The following SEMA5A variants were observed in gnomAD, a reference collection of about 807,000 sequenced individuals.
SEMA5A encodes the protein semaphorin-5A.
In SEMA5A, 55 loss-of-function variants were observed where a neutral mutation model predicts 135.5. That is an observed-to-expected ratio of 0.41 (90% CI 0.33 to 0.51). SEMA5A has a LOEUF of 0.51. Ranked by LOEUF, SEMA5A falls within the 20% of genes least tolerant of loss-of-function variation. The pLI is 0.37. For synonymous variants in SEMA5A, 580 were observed against 546.5 expected (o/e 1.06, Z -0.85); for missense variants, 1,290 against 1,419.9 (o/e 0.91, Z 1.47).
chr5:9,067,818 CG>C (rs1474426368), intron 16 of SEMA5A, among the ~76,000 whole-genome samples: 9 of 152,088 alleles, frequency 5.9e-5, no homozygotes, highest in African/African-American at 2.2e-4. Context: ...TCCATTTTCA[CG>C]TTTCTCATCT....
chr5:9,391,910 C>T (rs1047060600), intron 2 of SEMA5A, among the ~76,000 whole-genome samples: 2 of 152,130 alleles, frequency 1.3e-5, no homozygotes, highest in Non-Finnish European at 2.9e-5. Context: ...CCTCCATGGC[C>T]ACCTCCCTAT....
chr5:9,278,139 C>A (rs1413057278), intron 5 of SEMA5A, among the ~76,000 whole-genome samples: 2 of 151,238 alleles, frequency 1.3e-5, no homozygotes, highest in Admixed American at 1.3e-4. Context: ...GAAGTCCCAG[C>A]TGATGAGGTC....
At chr5:9,236,460 C>T (rs1747915164) in intron 6 of SEMA5A, among the ~76,000 whole-genome samples, 1 of 152,168 alleles carries the variant, frequency 6.6e-6, no homozygotes, top group Non-Finnish European at 1.5e-5. Context: ...CACATTGAGA[C>T]TCAAACACCA....
At chr5:9,465,500 G>A (rs1173440052) in intron 1 of SEMA5A, among the ~76,000 whole-genome samples, 1 of 152,192 alleles carries the variant, frequency 6.6e-6, no homozygotes, top group East Asian at 1.9e-4. Context: ...AAGTAATTGG[G>A]ATAAAGAAAT....
chr5:9,096,231 G>A (rs562891278), intron 16 of SEMA5A, among the ~76,000 whole-genome samples: 2 of 152,100 alleles, frequency 1.3e-5, no homozygotes, highest in African/African-American at 4.8e-5. Flanking sequence ...GCAAATTTCT[G>A]AATACAACAC....
At chr5:9,307,446 G>A (rs926980780) in intron 5 of SEMA5A, among the ~76,000 whole-genome samples, 3 of 150,712 alleles carry the variant, frequency 2.0e-5, no homozygotes, top group African/African-American at 7.3e-5. Flanking sequence ...CAAATTAAGG[G>A]TTCCAATCCA....
At chr5:9,221,550 C>T (rs1746991375) in intron 8 of SEMA5A, among the ~76,000 whole-genome samples, 2 of 152,136 alleles carry the variant, frequency 1.3e-5, no homozygotes, top group South Asian at 4.1e-4. Flanking sequence ...GATCCGCCCG[C>T]CTCGGCCTCC....
chr5:9,127,862 A>G (rs1560942730), intron 13 of SEMA5A, among the ~76,000 whole-genome samples: 1 of 152,174 alleles, frequency 6.6e-6, no homozygotes, highest in Non-Finnish European at 1.5e-5. Context: ...AGGAAATCCT[A>G]AACTCATAAT....
chr5:9,380,034 C>A lies in SEMA5A; in HGVS notation c.-77-11G>T. ...ATGTGTGGAAAGTGCCTAAAACACA[C>A]AAAAGAGAAGAATCAGATGACTGTG... is the stretch of plus-strand genomic sequence containing the variant. On this transcript the variant is annotated splice_polypyrimidine_tract_variant and intron_variant, in intron 2 of 22. Coordinates refer to ENST00000382496, the MANE Select transcript of SEMA5A (RefSeq NM_003966.3). 4 of 1,474,916 alleles carry A rather than the reference C, an allele frequency of 2.7e-6. No individual in the cohort carries two copies. Among genetic ancestry groups the A allele is most frequent in the Admixed American group, 2.3e-5 (1 of 43,178 alleles). 91.4% of individuals were successfully genotyped at this position (1,474,916 alleles called of 1,614,324 possible). A position where few individuals can be genotyped will look rare whatever the true frequency, so the allele number is the denominator to read the frequency against.
At chr5:9,345,143 AC>A (rs779164792) in intron 3 of SEMA5A, among the ~76,000 whole-genome samples, 8 of 152,150 alleles carry the variant, frequency 5.3e-5, no homozygotes, top group Admixed American at 6.5e-5. Flanking sequence ...AGGTAAACCC[AC>A]CCCTGTTTCA....
intron 18 of SEMA5A, among the ~76,000 whole-genome samples, chr5:9,061,254 A>T (rs1737166171): frequency 6.6e-6 from 1 of 152,172 alleles, no homozygotes; most frequent in South Asian, 2.1e-4. Context: ...TAAACAGTGC[A>T]CAGTCGGTTA....
intron 5 of SEMA5A, among the ~76,000 whole-genome samples, chr5:9,253,852 A>G (rs1199148533): frequency 2.0e-5 from 3 of 152,226 alleles, no homozygotes; most frequent in Admixed American, 1.3e-4. Context: ...AAGAAACTCA[A>G]CATTAGGAAG....
chr5:9,048,401 A>T (rs1230646155), intron 21 of SEMA5A, among the ~76,000 whole-genome samples: 1 of 152,184 alleles, frequency 6.6e-6, no homozygotes, highest in African/African-American at 2.4e-5. Context: ...ATAATTCCCA[A>T]GTGCAAAATC....
At chr5:9,088,951 A>G (rs1156600518) in intron 16 of SEMA5A, among the ~76,000 whole-genome samples, 2 of 152,128 alleles carry the variant, frequency 1.3e-5, no homozygotes, top group Non-Finnish European at 2.9e-5. Context: ...CTGTGGGTTC[A>G]GGCCTCCATG....
intron 8 of SEMA5A, 23 bp from the exon 9 acceptor site, chr5:9,202,263 A>G (rs751914448): frequency 4.6e-5 from 73 of 1,604,258 alleles, no homozygotes; most frequent in Non-Finnish European, 6.0e-5. Flanking sequence ...GAAAAGAGGG[A>G]AAAAATCTCA....
Position 9,308,965 on chromosome 5 carries a change from A to G in SEMA5A, c.270+9407T>C, listed in dbSNP as rs190662575. On this transcript the variant is annotated intron_variant, in intron 5 of 22. Transcript: ENST00000382496. ...ATTTCATGACAAATTAGGTCATTAA[A>G]GTTACATCAAATAAGCATAATGCCA... Among the ~76,000 whole-genome samples the G allele has an allele frequency of 8.5e-4, 130 of 152,326 alleles. No homozygotes were observed. The Middle Eastern group carries it at 0.01, about 12-fold the overall frequency.
At chr5:9,118,824 G>C (rs1372196589) in intron 15 of SEMA5A, among the ~76,000 whole-genome samples, 174 bp downstream of exon 15, 1 of 152,148 alleles carries the variant, frequency 6.6e-6, no homozygotes, top group Non-Finnish European at 1.5e-5. Context: ...CTGTCGACGA[G>C]GCTTTGATCA....
rs1363419153 is a variant in SEMA5A at position 9,227,746 on chromosome 5, T to G, written c.334-779A>C. 1.2e-4 allele frequency among the ~76,000 whole-genome samples: 18 copies of G among 151,864 alleles called. 1 individual carries two copies. The highest frequency in any genetic ancestry group is 1.2e-3 in the Admixed American group (18 of 15,242). ...TTTGTATTTTTAGTAGAGACAGGGTTTCACCATGTTAGTCAGGATGGTCTT... is the reference window on the plus strand; with the variant it reads ...TTTGTATTTTTAGTAGAGACAGGGTGTCACCATGTTAGTCAGGATGGTCTT... On this transcript the variant is annotated intron_variant, in intron 6 of 22. Transcript: ENST00000382496.
At chr5:9,278,643 C>T (rs1287521165) in intron 5 of SEMA5A, among the ~76,000 whole-genome samples, 1 of 152,212 alleles carries the variant, frequency 6.6e-6, no homozygotes, top group East Asian at 1.9e-4. Context: ...GGGCGAGGCC[C>T]AGGGCCCTGC....
Sources: allele counts gnomAD v4.1 joint callset (sites outside exome capture counted in the v4.1 genomes callset), GRCh38; gene constraint gnomAD v4.1.1; transcripts MANE v1.5; gene names NCBI Gene and HGNC (gene_info 2026-07-23, HGNC 2026-07-21).